The following KCNJ6 variants were observed in gnomAD, a reference collection of about 807,000 sequenced individuals.
KCNJ6 encodes the protein G protein-activated inward rectifier potassium channel 2.
Under a neutral mutation model 34.2 loss-of-function variants are expected in KCNJ6, and 9 were observed. The observed-to-expected ratio is 0.26, with a 90% CI of 0.16 to 0.46. The LOEUF is 0.46. Among genes scored for constraint, KCNJ6 ranks in the 20% least tolerant of loss-of-function variants. The pLI is 1.00. For missense variants in KCNJ6, 236 were observed against 531.3 expected, an observed-to-expected ratio of 0.44 and a Z score of 5.46; for synonymous variants, 196 against 207.1, an observed-to-expected ratio of 0.95 and a Z score of 0.46.
chr21:37,672,886 C>T (rs1026750081), intron 3 of KCNJ6, among the ~76,000 whole-genome samples: 1 of 152,126 alleles, frequency 6.6e-6, no homozygotes, highest in African/African-American at 2.4e-5. Flanking sequence ...TAAAGTGGTC[C>T]TCCTGTCTCA....
Position 37,667,698 on chromosome 21 carries a change from G to A in KCNJ6, c.947-42214C>T, listed in dbSNP as rs1200679465. 2.6e-5 allele frequency among the ~76,000 whole-genome samples: 4 copies of A among 152,138 alleles called. No individual in the cohort carries two copies. In the East Asian group the frequency reaches 7.7e-4, roughly 29 times the overall value. ...GGTAGCGGGCTCCGGGGTCGGCACT[G>A]CAGGGTGTTTAGCAGCATTCTCTGC... On this transcript the variant is annotated intron_variant, in intron 3 of 3. Transcript: ENST00000609713.
At chr21:37,635,378 C>G (rs898418106) in intron 3 of KCNJ6, among the ~76,000 whole-genome samples, 2 of 151,782 alleles carry the variant, frequency 1.3e-5, no homozygotes, top group Admixed American at 6.6e-5. Context: ...CCAGCACGCC[C>G]GGCTAATTTT....
At chr21:37,630,444 G>A (rs571409586) in intron 3 of KCNJ6, among the ~76,000 whole-genome samples, 1 of 152,278 alleles carries the variant, frequency 6.6e-6, no homozygotes, top group African/African-American at 2.4e-5. Context: ...AGTGAAAAGA[G>A]TGGACTTGGG....
chr21:37,840,888 G>T (rs1033584232), intron 1 of KCNJ6, among the ~76,000 whole-genome samples, 179 bp from the exon 2 acceptor site: 2 of 152,132 alleles, frequency 1.3e-5, no homozygotes, highest in African/African-American at 4.8e-5. Flanking sequence ...TCACTGAAAA[G>T]AGATTTTTAG....
chr21:37,829,026 C>G lies in KCNJ6; in HGVS notation c.25+11632G>C, dbSNP rs139072287. Among the ~76,000 whole-genome samples the G allele has an allele frequency of 1.1e-3, 172 of 152,332 alleles. 5 individuals are homozygous for G. The East Asian group carries it at 0.031, about 28-fold the overall frequency. On this transcript the variant is annotated intron_variant, in intron 2 of 3. Transcript: ENST00000609713. ...CCAAAATCCAGCCATGCAGCCTAAC[C>G]CAGGGCCTGTGCCATCCTGGGGGAG...
intron 3 of KCNJ6, among the ~76,000 whole-genome samples, chr21:37,704,415 A>G (rs942602899): frequency 9.9e-5 from 15 of 152,184 alleles, no homozygotes; most frequent in African/African-American, 3.6e-4. Flanking sequence ...TTTTGGGCCA[A>G]TGCGAATGGA....
At chr21:37,862,764 A>G (rs1223172349) in intron 1 of KCNJ6, among the ~76,000 whole-genome samples, 1 of 152,208 alleles carries the variant, frequency 6.6e-6, no homozygotes, top group Non-Finnish European at 1.5e-5. Flanking sequence ...ATGCCTTAGA[A>G]TTTTGAGCTG....
chr21:37,741,158 A>G (rs915023795), intron 2 of KCNJ6, among the ~76,000 whole-genome samples: 2 of 152,204 alleles, frequency 1.3e-5, no homozygotes, highest in African/African-American at 4.8e-5. Context: ...AGATATTTCC[A>G]CATGGATTTC....
intron 2 of KCNJ6, among the ~76,000 whole-genome samples, chr21:37,716,379 AT>A (rs367708496): frequency 0.013 from 1,843 of 140,120 alleles, 20 homozygotes; most frequent in African/African-American, 0.034. Flanking sequence ...AAAAGTTTAA[AT>A]TTTTTTTTTT....
intron 3 of KCNJ6, among the ~76,000 whole-genome samples, chr21:37,680,517 C>T (rs916223988): frequency 2.6e-5 from 4 of 152,292 alleles, no homozygotes; most frequent in East Asian, 1.9e-4. Context: ...TAGATACTTC[C>T]GTGAGAGTGG....
intron 2 of KCNJ6, among the ~76,000 whole-genome samples, chr21:37,748,812 G>A (rs548410958): frequency 6.6e-6 from 1 of 152,134 alleles, no homozygotes; most frequent in African/African-American, 2.4e-5. Context: ...GTTGCCCTAC[G>A]GAGGTTTTAT....
intron 1 of KCNJ6, among the ~76,000 whole-genome samples, chr21:37,865,514 G>A (rs976472684): frequency 2.0e-5 from 3 of 152,156 alleles, no homozygotes; most frequent in African/African-American, 4.8e-5. Context: ...TGTACAATAC[G>A]GATCCAGCTC....
At chr21:37,683,661 C>T (rs1601417829) in intron 3 of KCNJ6, among the ~76,000 whole-genome samples, 1 of 152,150 alleles carries the variant, frequency 6.6e-6, no homozygotes, top group Non-Finnish European at 1.5e-5. Context: ...CAAAGCCTGG[C>T]AGGGAGGTAG....
chr21:37,840,670 T>A lies in KCNJ6; in HGVS notation c.13A>T (p.Thr5Ser). 6.2e-7 allele frequency: 1 copy of A among 1,604,780 alleles called. No homozygotes were observed. ...TGAAGCTACTCACTCATGGATTCTG[T>A]CAGCTTGGCCATTGTTGCAGTTTCT... MAKL[T>S]ESMTNVLEGD... The change falls in exon 2 of 4, where the codon ACA (threonine) becomes TCA (serine). Residue 5 changes from threonine to serine, a missense_variant. Transcript: ENST00000609713.
At chr21:37,729,031 A>G (rs1242375421) in intron 2 of KCNJ6, among the ~76,000 whole-genome samples, 1 of 152,206 alleles carries the variant, frequency 6.6e-6, no homozygotes, top group Non-Finnish European at 1.5e-5. Flanking sequence ...AGAATTCCAG[A>G]CAGACCAGAA....
chr21:37,646,295 G>C (rs543848770), intron 3 of KCNJ6, among the ~76,000 whole-genome samples: 1 of 152,098 alleles, frequency 6.6e-6, no homozygotes, highest in African/African-American at 2.4e-5. Flanking sequence ...CCCCCACCAC[G>C]CTACATCCCT....
At chr21:37,693,323 T>C (rs2054648488) in intron 3 of KCNJ6, among the ~76,000 whole-genome samples, 1 of 152,170 alleles carries the variant, frequency 6.6e-6, no homozygotes, top group African/African-American at 2.4e-5. Context: ...ATTTGGAGGA[T>C]GGGAGTCTTA....
intron 3 of KCNJ6, among the ~76,000 whole-genome samples, chr21:37,686,792 CG>C (rs1569445452): frequency 6.6e-6 from 1 of 151,888 alleles, no homozygotes; most frequent in East Asian, 1.9e-4. Flanking sequence ...AATCGGGACA[CG>C]GGTGGAGACA....
chr21:37,835,297 G>A (rs2055446424), intron 2 of KCNJ6, among the ~76,000 whole-genome samples: 2 of 152,136 alleles, frequency 1.3e-5, no homozygotes, highest in Admixed American at 1.3e-4. Context: ...GGGGTCCTAG[G>A]GAAGGGATCC....
Sources: gnomAD v4.1 joint callset for allele counts (sites outside exome capture counted in the v4.1 genomes callset) on GRCh38, gnomAD v4.1.1 for gene constraint, MANE v1.5 for transcripts, NCBI Gene and HGNC (gene_info 2026-07-23, HGNC 2026-07-21) for gene names.